Variants in TG observed in about 807,000 individuals in gnomAD.
The protein encoded by TG is thyroglobulin.
TG carries 270 observed loss-of-function variants against 324.7 expected under a neutral mutation model. That is an observed-to-expected ratio of 0.83 (90% CI 0.75 to 0.92). The LOEUF is 0.92. Ranked by LOEUF, TG falls within the 40% of genes least tolerant of loss-of-function variation. The pLI is 0.00. For missense variants in TG, 3,591 were observed against 3,456.4 expected (o/e 1.04, Z -0.98); for synonymous variants, 1,401 against 1,327.0 (o/e 1.06, Z -1.21).
chr8:132,917,889 A>ATTTTTTTTTTTTTTTTTTTTT (rs71299038), intron 20 of TG, among the ~76,000 whole-genome samples: 2 of 138,766 alleles, frequency 1.4e-5, no homozygotes, highest in Non-Finnish European at 3.1e-5. Flanking sequence ...GGTTTTTGCA[A>ATTTTTTTTTTTTTTTTTTTTT]TTTTTTTTTT....
chr8:133,010,069 C>A (rs1834371077), intron 35 of TG, among the ~76,000 whole-genome samples: 1 of 152,154 alleles, frequency 6.6e-6, no homozygotes, highest in African/African-American at 2.4e-5. Flanking sequence ...AAGGCAAAGA[C>A]CCTTTCATAC....
Position 132,918,032 on chromosome 8 carries a change from A to G in TG, c.4379-1344A>G, listed in dbSNP as rs1440548257. 3.9e-5 allele frequency among the ~76,000 whole-genome samples: 6 copies of G among 151,988 alleles called. No homozygotes were observed. In the South Asian group the frequency reaches 6.2e-4, roughly 16 times the overall value. On this transcript the variant is annotated intron_variant, in intron 20 of 47. Coordinates refer to ENST00000220616, the MANE Select transcript of TG (RefSeq NM_003235.5). ...GCACCTATTGGTGGCAGTGGACCCA[A>G]TGGTCTTGAGAGAGCCCCTTCTCCC... is the stretch of plus-strand genomic sequence containing the variant.
Position 132,913,244 on chromosome 8 carries a change from A to G in TG, c.4357A>G (p.Ser1453Gly), listed in dbSNP as rs746577645. ...CTACCAAGTCTTGACAAGTGAGGCC[A>G]GTCAGGACGGACTGGGATGCGGTAG... is the stretch of plus-strand genomic sequence containing the variant. Reference protein sequence around the residue: ...GFYQVLTSEASQDGLGCVKCP... With the variant: ...GFYQVLTSEAGQDGLGCVKCP... Residue 1453 changes from serine to glycine, a missense_variant, in exon 20 of 48, where the codon AGT becomes GGT. Transcript: ENST00000220616. 6 of 1,614,200 alleles carry G rather than the reference A, an allele frequency of 3.7e-6. No individual in the cohort carries two copies. The highest frequency in any genetic ancestry group is 1.7e-4 in the Middle Eastern group (1 of 6,038).
At chr8:132,888,619 G>A (rs1563914440) in intron 10 of TG, 51 bp downstream of exon 10, 14 of 1,480,034 alleles carry the variant, frequency 9.5e-6, no homozygotes, top group Non-Finnish European at 1.3e-5. Flanking sequence ...GTGTGTGTGT[G>A]TGTATGTGTG....
At chr8:132,950,122 T>C (rs1263435136) in intron 27 of TG, among the ~76,000 whole-genome samples, 2 of 152,208 alleles carry the variant, frequency 1.3e-5, no homozygotes, top group African/African-American at 4.8e-5. Context: ...TTTCCTTCCA[T>C]CACTGAGAGT....
At chr8:132,893,145 TTGTG>T (rs1459499938) in intron 10 of TG, among the ~76,000 whole-genome samples, 18 of 125,218 alleles carry the variant, frequency 1.4e-4, no homozygotes, top group African/African-American at 4.9e-4. Context: ...TGGTGTGTAT[TTGTG>T]TGTATGTGTG....
chr8:132,889,642 C>T (rs564597202), intron 10 of TG, among the ~76,000 whole-genome samples: 1 of 152,282 alleles, frequency 6.6e-6, no homozygotes, highest in African/African-American at 2.4e-5. Context: ...TTTGTAGAAT[C>T]ATTCTCCATA....
intron 25 of TG, among the ~76,000 whole-genome samples, 197 bp downstream of exon 25, chr8:132,936,061 C>CT (rs1823538012): frequency 6.6e-6 from 1 of 152,230 alleles, no homozygotes; most frequent in East Asian, 1.9e-4. Flanking sequence ...CTGATCTCCC[C>CT]TGGGACTGCA....
At chr8:133,102,479 C>T in intron 43 of TG, 1 of 1,366,738 alleles carries the variant, frequency 7.3e-7, no homozygotes. Context: ...TCTGAAGACC[C>T]TCCCCCACAT....
intron 45 of TG, among the ~76,000 whole-genome samples, chr8:133,130,903 G>A (rs1263668374): frequency 1.3e-5 from 2 of 151,954 alleles, no homozygotes; most frequent in African/African-American, 4.8e-5. Context: ...GGAGAAAGTC[G>A]GCCAGACATC....
chr8:133,096,157 G>A (rs1848376601), intron 42 of TG, 49 bp from the exon 43 acceptor site: 33 of 1,607,542 alleles, frequency 2.1e-5, no homozygotes, highest in Non-Finnish European at 2.6e-5. Flanking sequence ...ATGCAAAGCA[G>A]TGCAACTGAT....
rs371133490 is a variant in TG at position 132,901,456 on chromosome 8, G to A, written c.3537G>A (p.Val1179=). The change falls in exon 16 of 48, where the codon GTG becomes GTA. Residue 1179 remains valine, a synonymous_variant. Transcript: ENST00000220616. ...CAGAGGATGGGGGCTTTTCCCCAGT[G>A]CAATGTGACCAGGCCCAGGGCAGCT... ...CRAEDGGFSP[V]QCDQAQGSCW... is the part of the protein sequence containing the mutation. The A allele has an allele frequency of 7.4e-6, 12 of 1,614,120 alleles. No individual in the cohort carries two copies. In the Admixed American group the frequency reaches 8.3e-5, roughly 11 times the overall value.
At position 132,934,685 on chromosome 8, in the gene TG, C is replaced by T. The variant is rs908588210; in HGVS notation, c.4932+1009C>T. Reference sequence around the variant, plus strand: ...TCTGCAAAGCAAGAAGAGCTGTTGCCTTCAAACAGCCTTGCTGTAGCCCCT... The same window carrying T: ...TCTGCAAAGCAAGAAGAGCTGTTGCTTTCAAACAGCCTTGCTGTAGCCCCT... On this transcript the variant is annotated intron_variant, in intron 24 of 47. Transcript: ENST00000220616. Among the ~76,000 whole-genome samples the T allele has an allele frequency of 2.6e-5, 4 of 152,362 alleles. No homozygotes were observed. The East Asian group carries it at 5.8e-4, about 22-fold the overall frequency.
At chr8:133,111,885 C>A (rs1212904533) in intron 43 of TG, among the ~76,000 whole-genome samples, 1 of 152,226 alleles carries the variant, frequency 6.6e-6, no homozygotes, top group Non-Finnish European at 1.5e-5. Flanking sequence ...CTTTGCATGC[C>A]CTCCTGGCTT....
chr8:133,116,639 C>A lies in TG; in HGVS notation c.7785C>A (p.Asp2595Glu). The change falls in exon 45 of 48, where the codon GAC (aspartate) becomes GAA (glutamate). Residue 2595 changes from aspartate to glutamate, a missense_variant. By Grantham distance (45) the Asp-to-Glu change is conservative. Transcript: ENST00000220616. ...ACTTTATCATCTGCCCTATAATCGACATGGCCAGTGCCTGGGCAAAGAGGG... is the reference window on the plus strand; with the variant it reads ...ACTTTATCATCTGCCCTATAATCGAAATGGCCAGTGCCTGGGCAAAGAGGG... ...RDYFIICPII[D>E]MASAWAKRAR... The A allele has an allele frequency of 1.2e-6, 2 of 1,614,252 alleles. No individual in the cohort carries two copies.
intron 16 of TG, among the ~76,000 whole-genome samples, chr8:132,902,377 TG>T (rs1227620661): frequency 6.6e-6 from 1 of 152,126 alleles, no homozygotes; most frequent in Non-Finnish European, 1.5e-5. Context: ...GGTTGATATT[TG>T]TAAAGAGATG....
chr8:132,887,699 A>C, intron 9 of TG, 151 bp downstream of exon 9: 2 of 1,113,550 alleles, frequency 1.8e-6, no homozygotes, highest in Non-Finnish European at 2.7e-6. Flanking sequence ...ATTATCCAGG[A>C]ATGCCTAGAT....
intron 35 of TG, chr8:132,994,632 C>T: frequency 1.6e-6 from 2 of 1,256,610 alleles, no homozygotes; most frequent in Non-Finnish European, 2.1e-6. Context: ...CATTTATTCT[C>T]CCTTGTTGAG....
chr8:132,990,352 A>C lies in TG; in HGVS notation c.6262+6940A>C, dbSNP rs190780416. On this transcript the variant is annotated intron_variant, in intron 35 of 47. Coordinates refer to ENST00000220616, the MANE Select transcript of TG (RefSeq NM_003235.5). Reference sequence around the variant, plus strand: ...GAGATACAGAGTGGTATCTTAATACATGTATACAATGTGTAATGATCATAC... The same window carrying C: ...GAGATACAGAGTGGTATCTTAATACCTGTATACAATGTGTAATGATCATAC... Among the ~76,000 whole-genome samples the C allele has an allele frequency of 1.1e-3, 169 of 152,194 alleles. 1 individual carries two copies. Among genetic ancestry groups the C allele is most frequent in the Admixed American group, 3.0e-3 (46 of 15,282 alleles).
Sources: gnomAD v4.1 joint callset for allele counts (sites outside exome capture counted in the v4.1 genomes callset) on GRCh38, gnomAD v4.1.1 for gene constraint, MANE v1.5 for transcripts, NCBI Gene and HGNC (gene_info 2026-07-23, HGNC 2026-07-21) for gene names.